Variants in TYR observed in about 807,000 individuals in gnomAD.
TYR encodes LB24-AB.
In TYR, 58 loss-of-function variants were observed where a neutral mutation model predicts 51.5. The ratio of observed to expected loss-of-function variants is 1.13; its 90% CI spans 0.91 to 1.40. The LOEUF (loss-of-function observed/expected upper bound fraction) is 1.40. Among genes scored for constraint, TYR ranks in the 40% most tolerant of loss-of-function variants. The pLI is 0.00. For synonymous variants in TYR, 263 were observed against 235.2 expected, an observed-to-expected ratio of 1.12 and a Z score of -1.08; for missense variants, 732 against 647.4, an observed-to-expected ratio of 1.13 and a Z score of -1.42.
At chr11:89,219,147 C>T (rs1221495096) in intron 2 of TYR, among the ~76,000 whole-genome samples, 1 of 152,174 alleles carries the variant, frequency 6.6e-6, no homozygotes, top group Admixed American at 6.5e-5. Context: ...GATGCACACA[C>T]TGTAATTTTC....
At chr11:89,199,861 A>C (rs529220588) in intron 2 of TYR, among the ~76,000 whole-genome samples, 1 of 152,316 alleles carries the variant, frequency 6.6e-6, no homozygotes, top group South Asian at 2.1e-4. Flanking sequence ...ATGGCTATTT[A>C]AAAGGGATAA....
chr11:89,219,860 G>A (rs541445076), intron 2 of TYR, among the ~76,000 whole-genome samples: 5 of 152,162 alleles, frequency 3.3e-5, no homozygotes, highest in Admixed American at 2.0e-4. Context: ...TCTACCCCAA[G>A]AGAGTACTCT....
chr11:89,237,204 T>C (rs1426850385), intron 3 of TYR, among the ~76,000 whole-genome samples: 2 of 152,174 alleles, frequency 1.3e-5, no homozygotes, highest in Non-Finnish European at 2.9e-5. Context: ...AGCTTTTTTG[T>C]TTAATGTAAT....
chr11:89,237,066 T>C (rs1944125137), intron 3 of TYR, among the ~76,000 whole-genome samples: 2 of 152,194 alleles, frequency 1.3e-5, no homozygotes, highest in East Asian at 3.9e-4. Flanking sequence ...GTTAAAATAA[T>C]GGCCAACACA....
intron 2 of TYR, among the ~76,000 whole-genome samples, chr11:89,220,658 G>A (rs908176570): frequency 2.6e-5 from 4 of 152,240 alleles, no homozygotes; most frequent in African/African-American, 9.6e-5. Flanking sequence ...GAACGCTGAG[G>A]CAGAAAAATC....
chr11:89,197,234 T>C (rs1023439960), intron 2 of TYR, among the ~76,000 whole-genome samples: 1 of 152,048 alleles, frequency 6.6e-6, no homozygotes, highest in African/African-American at 2.4e-5. Context: ...TAGTGGGAAA[T>C]AACAAGAGAT....
chr11:89,185,793 G>T (rs1170274476), intron 1 of TYR, among the ~76,000 whole-genome samples: 1 of 151,948 alleles, frequency 6.6e-6, no homozygotes, highest in African/African-American at 2.4e-5. Context: ...TTTAAGTGAT[G>T]CATTCATTTA....
chr11:89,246,940 G>A (rs1444036720), intron 3 of TYR, among the ~76,000 whole-genome samples: 2 of 152,130 alleles, frequency 1.3e-5, no homozygotes, highest in African/African-American at 2.4e-5. Flanking sequence ...CCAGAAAAAT[G>A]TCTTAAAGTC....
rs61759522 is a variant in TYR at position 89,178,740 on chromosome 11, C to A, written c.787C>A (p.Leu263Ile). 2 of 1,614,136 alleles carry A rather than the reference C, an allele frequency of 1.2e-6. No individual in the cohort carries two copies. The highest frequency in any genetic ancestry group is 2.2e-5 in the South Asian group (2 of 91,084). The change falls in exon 1 of 5, where the codon CTC becomes ATC. Residue 263 changes from leucine to isoleucine, a missense_variant. Physicochemically the swap from Leu to Ile is conservative, Grantham distance 5. Coordinates refer to ENST00000263321, the MANE Select transcript of TYR (RefSeq NM_000372.5). Reference sequence around the variant, plus strand: ...TCAGCACCCCACAAATCCTAACTTACTCAGCCCAGCATCATTCTTCTCCTC... The same window carrying A: ...TCAGCACCCCACAAATCCTAACTTAATCAGCCCAGCATCATTCTTCTCCTC... Reference protein sequence around the residue: ...GGQHPTNPNLLSPASFFSSWQ... With the variant: ...GGQHPTNPNLISPASFFSSWQ...
rs187590891 is a variant in TYR, at chr11:89,266,576, T to C, written c.1185-18197T>C. Among the ~76,000 whole-genome samples, 12 of 152,062 alleles carry C rather than the reference T, an allele frequency of 7.9e-5. 1 individual carries two copies. The East Asian group carries it at 2.3e-3, about 30-fold the overall frequency. Reference sequence around the variant, plus strand: ...TGCGTAACACCTCCATATAATTCTTTCTATGCACCATTTTTTCACACAATT... The same window carrying C: ...TGCGTAACACCTCCATATAATTCTTCCTATGCACCATTTTTTCACACAATT... On this transcript the variant is annotated intron_variant, in intron 3 of 4. Coordinates refer to ENST00000263321, the MANE Select transcript of TYR (RefSeq NM_000372.5).
At chr11:89,181,502 T>TAG (rs1943298426) in intron 1 of TYR, among the ~76,000 whole-genome samples, 1 of 152,222 alleles carries the variant, frequency 6.6e-6, no homozygotes, top group South Asian at 2.1e-4. Flanking sequence ...AATTAAGAAC[T>TAG]AGACTATTTG....
chr11:89,262,360 G>A (rs1944467085), intron 3 of TYR, among the ~76,000 whole-genome samples: 1 of 151,902 alleles, frequency 6.6e-6, no homozygotes, highest in Non-Finnish European at 1.5e-5. Context: ...TGCCTGGCCT[G>A]AAATTTATGG....
At chr11:89,194,888 C>A (rs1376312833) in intron 2 of TYR, among the ~76,000 whole-genome samples, 1 of 152,196 alleles carries the variant, frequency 6.6e-6, no homozygotes, top group Non-Finnish European at 1.5e-5. Flanking sequence ...TCTAGAGCAT[C>A]TTGTACCTAC....
chr11:89,191,697 C>A (rs547708829), intron 2 of TYR, among the ~76,000 whole-genome samples: 1 of 152,212 alleles, frequency 6.6e-6, no homozygotes, highest in African/African-American at 2.4e-5. Context: ...AAGTTTCAGG[C>A]TGCAGTGAGC....
chr11:89,199,120 A>G, intron 2 of TYR, among the ~76,000 whole-genome samples: 1 of 152,090 alleles, frequency 6.6e-6, no homozygotes, highest in Middle Eastern at 3.2e-3. Context: ...ATGGTATTCC[A>G]TGGTGTATAT....
chr11:89,204,508 C>T (rs1326662616), intron 2 of TYR, among the ~76,000 whole-genome samples: 2 of 151,902 alleles, frequency 1.3e-5, no homozygotes, highest in Non-Finnish European at 2.9e-5. Flanking sequence ...GATTCCCCTG[C>T]CTCAGTTTCC....
intron 2 of TYR, among the ~76,000 whole-genome samples, chr11:89,209,624 G>A (rs191261751): frequency 4.0e-4 from 61 of 152,304 alleles, no homozygotes; most frequent in Admixed American, 1.6e-3. Context: ...GGAGCACAGC[G>A]TTCGAGCTCC....
chr11:89,261,596 G>T (rs576026625), intron 3 of TYR, among the ~76,000 whole-genome samples: 8 of 152,114 alleles, frequency 5.3e-5, no homozygotes, highest in Non-Finnish European at 1.0e-4. Flanking sequence ...GGAAACATTT[G>T]CAAGTCAACT....
chr11:89,185,715 T>C (rs1006619741), intron 1 of TYR, among the ~76,000 whole-genome samples: 1 of 152,140 alleles, frequency 6.6e-6, no homozygotes, highest in Admixed American at 6.6e-5. Flanking sequence ...CTGAATTTCA[T>C]CTTTTGCTTC....
Sources: gnomAD v4.1 joint callset for allele counts (sites outside exome capture counted in the v4.1 genomes callset) on GRCh38, gnomAD v4.1.1 for gene constraint, MANE v1.5 for transcripts, NCBI Gene and HGNC (gene_info 2026-07-23, HGNC 2026-07-21) for gene names.